Variants in HOXB7 observed in about 807,000 individuals in gnomAD.
HOXB7 encodes homeobox B7, also known as homeobox protein Hox-B7.
Under a neutral mutation model 19.2 loss-of-function variants are expected in HOXB7, and 11 were observed. That is an observed-to-expected ratio of 0.57 (90% CI 0.36 to 0.95). The LOEUF is 0.95. Among genes scored for constraint, HOXB7 ranks in the 40% least tolerant of loss-of-function variants. The pLI is 0.01. For synonymous variants in HOXB7, 141 were observed against 130.2 expected, an observed-to-expected ratio of 1.08 and a Z score of -0.56; for missense variants, 318 against 301.1, an observed-to-expected ratio of 1.06 and a Z score of -0.42.
In HOXB7 at chr17:48,607,586, A is replaced by T. The variant is rs1255500219; in HGVS notation, c.*256T>A. 8.7e-6 allele frequency: 4 copies of T among 460,724 alleles called. No homozygotes were observed. The highest frequency in any genetic ancestry group is 1.1e-5 in the Non-Finnish European group (3 of 262,656). The allele number at this position is 460,724 out of a possible 1,614,324, so 28.5% of individuals were successfully genotyped here. On this transcript the variant is annotated 3_prime_UTR_variant, in exon 2 of 2. Coordinates refer to ENST00000239165, the MANE Select transcript of HOXB7 (RefSeq NM_004502.4). The stretch of plus-strand genomic sequence containing the variant: ...GATAATATCCTTTTCATATTGTACA[A>T]AAAAACCAAACCTGACAGACTTTCC...
At chr17:48,608,931 C>G (rs138002960) in intron 1 of HOXB7, among the ~76,000 whole-genome samples, 129 of 152,350 alleles carry the variant, frequency 8.5e-4, no homozygotes, top group African/African-American at 3.0e-3. Flanking sequence ...GGCCCAGTCC[C>G]CCCAACTCAT....
chr17:48,610,723 C>A lies in HOXB7; in HGVS notation c.196G>T (p.Ala66Ser), dbSNP rs200263899. The change falls in exon 1 of 2, where the codon GCG becomes TCG. Residue 66 changes from alanine (A) to serine (S), a missense_variant. Transcript: ENST00000239165. The part of the protein sequence containing the change: ...QGLYPGGGGM[A>S]GQSAAGVYAA... ...TAGACGCCGGCCGCGCTCTGGCCCG[C>A]CATGCCCCCCCCGCCGGGGTACAAG... 8.7e-5 allele frequency: 139 copies of A among 1,595,944 alleles called. No individual in the cohort carries two copies. The African/African-American group carries it at 1.7e-3, about 19-fold the overall frequency.
chr17:48,607,649 T>G lies in HOXB7; in HGVS notation c.*193A>C. On this transcript the variant is annotated 3_prime_UTR_variant, in exon 2 of 2. Coordinates refer to ENST00000239165, the MANE Select transcript of HOXB7 (RefSeq NM_004502.4). ...TTTTTCAGTGTTGAAAAACCAAAAT[T>G]TCTCCTTTCTCCCTCCTTAAAAAAT... 7 of 542,212 alleles carry G rather than the reference T, an allele frequency of 1.3e-5. No homozygotes were observed. Among genetic ancestry groups the G allele is most frequent in the Non-Finnish European group, 2.2e-5 (7 of 321,368 alleles). The allele number at this position is 542,212 out of a possible 1,614,324, so 33.6% of individuals were successfully genotyped here. A position where few individuals can be genotyped will look rare whatever the true frequency, so the allele number is the denominator to read the frequency against.
intron 1 of HOXB7, 48 bp from the exon 2 acceptor site, chr17:48,608,143 C>A (rs765789072): frequency 6.3e-7 from 1 of 1,583,538 alleles, no homozygotes; most frequent in South Asian, 1.1e-5. Flanking sequence ...AAAACGCCGG[C>A]CGGGCGCGGT....
rs1257125887 is a variant in HOXB7 at position 48,610,786 on chromosome 17, C to T, written c.133G>A (p.Ala45Thr). 2.5e-6 allele frequency: 4 copies of T among 1,596,812 alleles called. No individual in the cohort carries two copies. Among genetic ancestry groups the T allele is most frequent in the Non-Finnish European group, 3.4e-6 (4 of 1,171,002 alleles). The change falls in exon 1 of 2, where the codon GCG becomes ACG. Residue 45 changes from alanine to threonine, a missense_variant. Coordinates refer to ENST00000239165, the MANE Select transcript of HOXB7 (RefSeq NM_004502.4). Reference sequence around the variant, plus strand: ...GCGGCGAAGGAAGCGCCCGAACCCGCTCCATAGCCCGGGCGCTGGGGGTTG... The same window carrying T: ...GCGGCGAAGGAAGCGCCCGAACCCGTTCCATAGCCCGGGCGCTGGGGGTTG... ...ASNPQRPGYG[A>T]GSGASFAASM... is the part of the protein sequence containing the mutation.
chr17:48,607,960 C>T lies in HOXB7; in HGVS notation c.536G>A (p.Arg179Lys). The T allele has an allele frequency of 6.2e-7, 1 of 1,614,182 alleles. No homozygotes were observed. Residue 179 changes from arginine (R) to lysine (K), a missense_variant, in exon 2 of 2, where the codon AGA (arginine) becomes AAA (lysine). By Grantham distance (26) the Arg-to-Lys change is conservative. Coordinates refer to ENST00000239165, the MANE Select transcript of HOXB7 (RefSeq NM_004502.4). ...EIAHTLCLTE[R>K]QIKIWFQNRR... ...GTTCTGAAACCAAATCTTGATCTGT[C>T]TTTCCGTGAGGCAGAGCGTGTGCGC...
chr17:48,607,527 G>T lies in HOXB7; in HGVS notation c.*315C>A. ...ACCTTACAATAGCAACATAGAAAAG[G>T]GGAGGTAAATTCCAGAAAGCTACAG... On this transcript the variant is annotated 3_prime_UTR_variant, in exon 2 of 2. Coordinates refer to ENST00000239165, the MANE Select transcript of HOXB7 (RefSeq NM_004502.4). 2 of 282,756 alleles carry T rather than the reference G, an allele frequency of 7.1e-6. No individual in the cohort carries two copies. Among genetic ancestry groups the T allele is most frequent in the East Asian group, 7.9e-5 (1 of 12,618 alleles). 17.5% of individuals were successfully genotyped at this position (282,756 alleles called of 1,614,324 possible). A position where few individuals can be genotyped will look rare whatever the true frequency, so the allele number is the denominator to read the frequency against.
intron 1 of HOXB7, among the ~76,000 whole-genome samples, chr17:48,610,207 T>G (rs1242326947): frequency 6.6e-6 from 1 of 151,202 alleles, no homozygotes; most frequent in Non-Finnish European, 1.5e-5. Context: ...CTCCAGCCCG[T>G]GCCGGCGCTG....
At position 48,610,678 on chromosome 17, in the gene HOXB7, C is replaced by G. The variant is rs758201923; in HGVS notation, c.241G>C (p.Glu81Gln). The stretch of plus-strand genomic sequence containing the variant: ...CAGTGCATGTTGAAGGAACTCGGCT[C>G]GAGCCCATAGCCGGCCGCGTAGACG... ...AGVYAAGYGL[E>Q]PSSFNMHCAP... is the part of the protein sequence containing the mutation. The change falls in exon 1 of 2, where the codon GAG becomes CAG. Residue 81 changes from glutamate to glutamine, a missense_variant. By Grantham distance (29) the Glu-to-Gln change is conservative. Coordinates refer to ENST00000239165, the MANE Select transcript of HOXB7 (RefSeq NM_004502.4). 6.3e-7 allele frequency: 1 copy of G among 1,575,368 alleles called. No individual in the cohort carries two copies. The highest frequency in any genetic ancestry group is 8.6e-7 in the Non-Finnish European group (1 of 1,161,564).
chr17:48,610,123 G>A (rs975939270), intron 1 of HOXB7, among the ~76,000 whole-genome samples: 2 of 152,190 alleles, frequency 1.3e-5, no homozygotes, highest in Admixed American at 6.5e-5. Flanking sequence ...AGCTGGGAAG[G>A]GGGGAGAAGG....
Position 48,608,016 on chromosome 17 carries a change from G to A in HOXB7, c.480C>T (p.Arg160=), listed in dbSNP as rs747106896. 2 of 1,614,116 alleles carry A rather than the reference G, an allele frequency of 1.2e-6. No individual in the cohort carries two copies. The highest frequency in any genetic ancestry group is 1.6e-4 in the Middle Eastern group (1 of 6,084). ...CGATGCGCCGCCGCCGCGTCAGGTA[G>A]CGATTGTAGTGAAATTCTTTCTCCA... ...LELEKEFHYN[R]YLTRRRRIEI... The change falls in exon 2 of 2, where the codon CGC becomes CGT. Residue 160 remains arginine (R), a synonymous_variant. Coordinates refer to ENST00000239165, the MANE Select transcript of HOXB7 (RefSeq NM_004502.4).
intron 1 of HOXB7, among the ~76,000 whole-genome samples, chr17:48,610,259 G>A (rs2070629597): frequency 6.6e-6 from 1 of 152,214 alleles, no homozygotes; most frequent in Non-Finnish European, 1.5e-5. Context: ...GGAAGGGTGG[G>A]GGCGGGCTGG....
In HOXB7 at chr17:48,610,661, G is replaced by A. The variant is rs778915994; in HGVS notation, c.258C>T (p.Asn86=). The part of the protein sequence containing the change: ...AGYGLEPSSF[N]MHCAPFEQNL... The stretch of plus-strand genomic sequence containing the variant: ...TCTGCTCAAAGGGCGCGCAGTGCAT[G>A]TTGAAGGAACTCGGCTCGAGCCCAT... The change falls in exon 1 of 2, where the codon AAC becomes AAT. Residue 86 remains asparagine (N), a synonymous_variant. Coordinates refer to ENST00000239165, the MANE Select transcript of HOXB7 (RefSeq NM_004502.4). 6.3e-7 allele frequency: 1 copy of A among 1,580,498 alleles called. No individual in the cohort carries two copies. The highest frequency in any genetic ancestry group is 1.1e-5 in the South Asian group (1 of 87,938).
chr17:48,610,058 T>A (rs1463030515), intron 1 of HOXB7, among the ~76,000 whole-genome samples: 1 of 89,764 alleles, frequency 1.1e-5, no homozygotes, highest in African/African-American at 4.7e-5. Context: ...TATGGCCCCC[T>A]CCCCCATACC....
Position 48,608,146 on chromosome 17 carries a change from G to A in HOXB7, c.401-51C>T, listed in dbSNP as rs183965234. The A allele has an allele frequency of 5.0e-4, 783 of 1,576,754 alleles. 11 individuals are homozygous for A. In the Admixed American group the frequency reaches 0.013, roughly 26 times the overall value. Reference sequence around the variant, plus strand: ...CAGTGAGTAAAGAAAACGCCGGCCGGGCGCGGTGGGCTCAAACCTGTAATC... The same window carrying A: ...CAGTGAGTAAAGAAAACGCCGGCCGAGCGCGGTGGGCTCAAACCTGTAATC... On this transcript the variant is annotated intron_variant, in intron 1 of 1. Coordinates refer to ENST00000239165, the MANE Select transcript of HOXB7 (RefSeq NM_004502.4).
Position 48,610,692 on chromosome 17 carries a change from G to T in HOXB7, c.227C>A (p.Ala76Asp), listed in dbSNP as rs774778475. Residue 76 changes from alanine to aspartate, a missense_variant, in exon 1 of 2, where the codon GCC (alanine) becomes GAC (aspartate). Coordinates refer to ENST00000239165, the MANE Select transcript of HOXB7 (RefSeq NM_004502.4). ...AGQSAAGVYA[A>D]GYGLEPSSFN... ...GGAACTCGGCTCGAGCCCATAGCCGGCCGCGTAGACGCCGGCCGCGCTCTG... is the reference window on the plus strand; with the variant it reads ...GGAACTCGGCTCGAGCCCATAGCCGTCCGCGTAGACGCCGGCCGCGCTCTG... 1 of 1,575,720 alleles carries T rather than the reference G, an allele frequency of 6.3e-7. No homozygotes were observed. The highest frequency in any genetic ancestry group is 8.6e-7 in the Non-Finnish European group (1 of 1,161,932).
In HOXB7 at chr17:48,607,999, C is replaced by T. The variant is rs754330441; in HGVS notation, c.497G>A (p.Arg166Gln). 6 of 1,614,022 alleles carry T rather than the reference C, an allele frequency of 3.7e-6. No homozygotes were observed. The African/African-American group carries it at 5.3e-5, about 14-fold the overall frequency. Reference protein sequence around the residue: ...FHYNRYLTRRRRIEIAHTLCL... With the variant: ...FHYNRYLTRRQRIEIAHTLCL... ...GAGCGTGTGCGCGATCTCGATGCGC[C>T]GCCGCCGCGTCAGGTAGCGATTGTA... The change falls in exon 2 of 2, where the codon CGG (arginine) becomes CAG (glutamine). Residue 166 changes from arginine to glutamine, a missense_variant. By Grantham distance (43) the Arg-to-Gln change is conservative (BLOSUM62 1). Coordinates refer to ENST00000239165, the MANE Select transcript of HOXB7 (RefSeq NM_004502.4).
In HOXB7 at chr17:48,608,028, A is replaced by T; in HGVS notation, c.468T>A (p.Phe156Leu). 6.2e-7 allele frequency: 1 copy of T among 1,614,156 alleles called. No homozygotes were observed. Among genetic ancestry groups the T allele is most frequent in the East Asian group, 2.2e-5 (1 of 44,884 alleles). Residue 156 changes from phenylalanine (F) to leucine (L), a missense_variant, in exon 2 of 2, where the codon TTT becomes TTA. Transcript: ENST00000239165. ...RYQTLELEKEFHYNRYLTRRR... is the reference protein window; with the variant it reads ...RYQTLELEKELHYNRYLTRRR... ...GCCGCGTCAGGTAGCGATTGTAGTGAAATTCTTTCTCCAGCTCCAGGGTCT... is the reference window on the plus strand; with the variant it reads ...GCCGCGTCAGGTAGCGATTGTAGTGTAATTCTTTCTCCAGCTCCAGGGTCT...
chr17:48,609,600 C>T (rs2070622766), intron 1 of HOXB7, among the ~76,000 whole-genome samples: 1 of 152,180 alleles, frequency 6.6e-6, no homozygotes, highest in African/African-American at 2.4e-5. Flanking sequence ...GCAGGGACCC[C>T]ATGGAACCTC....
Sources: allele counts gnomAD v4.1 joint callset (sites outside exome capture counted in the v4.1 genomes callset), GRCh38; gene constraint gnomAD v4.1.1; transcripts MANE v1.5; gene names NCBI Gene and HGNC (gene_info 2026-07-23, HGNC 2026-07-21).